Variants in TARS1 observed in about 807,000 individuals in gnomAD.
TARS1 encodes the protein threonyl-tRNA synthetase 1.
TARS1 carries 57 observed loss-of-function variants against 97.7 expected under a neutral mutation model. That is an observed-to-expected ratio of 0.58 (90% CI 0.47 to 0.73). TARS1 has a LOEUF of 0.73. Ranked by LOEUF, TARS1 falls within the 30% of genes least tolerant of loss-of-function variation. The pLI is 0.00. For synonymous variants in TARS1, 312 were observed against 293.7 expected, an observed-to-expected ratio of 1.06 and a Z score of -0.64; for missense variants, 806 against 888.3, an observed-to-expected ratio of 0.91 and a Z score of 1.18.
At chr5:33,445,622 T>G (rs1237653988) in intron 2 of TARS1, among the ~76,000 whole-genome samples, 2 of 152,156 alleles carry the variant, frequency 1.3e-5, no homozygotes, top group African/African-American at 4.8e-5. Context: ...TGGCGTATGA[T>G]TGTATAAGAT....
At chr5:33,442,315 T>C (rs1332080205) in intron 1 of TARS1, among the ~76,000 whole-genome samples, 2 of 148,926 alleles carry the variant, frequency 1.3e-5, no homozygotes, top group Non-Finnish European at 3.0e-5. Context: ...TTTACTGTTT[T>C]GTAACTTTTT....
At chr5:33,444,159 G>T (rs1302039214) in intron 1 of TARS1, among the ~76,000 whole-genome samples, 1 of 152,132 alleles carries the variant, frequency 6.6e-6, no homozygotes, top group East Asian at 1.9e-4. Flanking sequence ...TGTCACAAAA[G>T]ACCACATAAT....
Position 33,461,948 on chromosome 5 carries a change from TG to T in TARS1, c.1673del (p.Cys558LeufsTer19), listed in dbSNP as rs1561078182. ...IKDAIGRYHQ[C>X]ATIQLDFQLP... is the part of the protein sequence containing the mutation. ...AGATGCGATTGGGCGGTACCACCAG[TG>T]TGCAACCATCCAGCTGGATTTCCAG... On this transcript the variant is annotated frameshift_variant, in exon 15 of 19. Transcript: ENST00000265112. LOFTEE classifies it high-confidence loss of function. The T allele has an allele frequency of 1.9e-6, 3 of 1,614,016 alleles. No homozygotes were observed. Among genetic ancestry groups the T allele is most frequent in the Non-Finnish European group, 2.5e-6 (3 of 1,179,976 alleles).
At chr5:33,460,147 A>G (rs1742224508) in intron 11 of TARS1, among the ~76,000 whole-genome samples, 1 of 148,788 alleles carries the variant, frequency 6.7e-6, no homozygotes, top group South Asian at 2.1e-4. Context: ...TTAAAATTTT[A>G]TTTCTGTAGA....
At chr5:33,454,622 A>G (rs899834750) in intron 4 of TARS1, among the ~76,000 whole-genome samples, 17 of 152,230 alleles carry the variant, frequency 1.1e-4, no homozygotes, top group Admixed American at 9.2e-4. Flanking sequence ...ATTGCAATCA[A>G]TGAGTTAGTC....
At position 33,449,341 on chromosome 5, in the gene TARS1, A is replaced by G. The variant is rs994856043; in HGVS notation, c.329+610A>G. 2.8e-4 allele frequency among the ~76,000 whole-genome samples: 32 copies of G among 115,420 alleles called. 1 individual carries two copies. The highest frequency in any genetic ancestry group is 3.9e-3 in the Middle Eastern group (1 of 258). The allele number at this position is 115,420 out of a possible 152,430, so 75.7% of individuals were successfully genotyped here. ...TGTATATATATACGCGTATATATAC[A>G]CGTGTATATATATATATCTTAAACT... is the stretch of plus-strand genomic sequence containing the variant. On this transcript the variant is annotated intron_variant, in intron 3 of 18. Coordinates refer to ENST00000265112, the MANE Select transcript of TARS1 (RefSeq NM_152295.5).
chr5:33,461,653 T>C lies in TARS1; in HGVS notation c.1552-14T>C. The C allele has an allele frequency of 1.2e-6, 2 of 1,603,824 alleles. No individual in the cohort carries two copies. The highest frequency in any genetic ancestry group is 1.7e-6 in the Non-Finnish European group (2 of 1,177,226). The stretch of plus-strand genomic sequence containing the variant: ...GCGATGAAAAAAATAAAAATCATTT[T>C]GCTTTATCCTCAGCAACTTGAAAAC... On this transcript the variant is annotated splice_polypyrimidine_tract_variant and intron_variant, in intron 13 of 18. Coordinates refer to ENST00000265112, the MANE Select transcript of TARS1 (RefSeq NM_152295.5).
chr5:33,445,452 C>A, intron 2 of TARS1, 48 bp downstream of exon 2: 1 of 1,539,972 alleles, frequency 6.5e-7, no homozygotes, highest in Non-Finnish European at 9.0e-7. Flanking sequence ...GTTGGCAAAT[C>A]GCAGGGAACT....
At chr5:33,463,891 G>A in intron 17 of TARS1, 66 bp downstream of exon 17, 1 of 1,381,570 alleles carries the variant, frequency 7.2e-7, no homozygotes, top group Non-Finnish European at 1.0e-6. Context: ...AATCACATAA[G>A]CCCTGTATTC....
intron 3 of TARS1, 140 bp downstream of exon 3, chr5:33,448,871 G>A (rs1177362943): frequency 1.5e-5 from 10 of 662,152 alleles, no homozygotes; most frequent in Non-Finnish European, 2.2e-5. Context: ...GCCTACTTGA[G>A]ATTTTTTAAA....
chr5:33,447,615 G>A (rs114861363), intron 2 of TARS1, among the ~76,000 whole-genome samples: 1,782 of 150,012 alleles, frequency 0.012, 43 homozygotes, highest in African/African-American at 0.041. Context: ...TGATATATAT[G>A]GAGACATATG....
intron 3 of TARS1, among the ~76,000 whole-genome samples, chr5:33,452,880 C>G (rs1026449779): frequency 1.3e-5 from 2 of 151,302 alleles, no homozygotes; most frequent in Non-Finnish European, 2.9e-5. Context: ...CCCAGCTACT[C>G]TAGAGGCTGA....
upstream of TARS1, chr5:33,440,872 C>T (rs1741048504): frequency 1.7e-6 from 1 of 573,380 alleles, no homozygotes; most frequent in Non-Finnish European, 3.1e-6. Flanking sequence ...AAAAGATTTT[C>T]CACTGGCTTA....
intron 4 of TARS1, among the ~76,000 whole-genome samples, chr5:33,454,426 G>C (rs1741912096): frequency 6.6e-6 from 1 of 152,178 alleles, no homozygotes; most frequent in Admixed American, 6.5e-5. Context: ...ACTGCCATTT[G>C]ATTTCAGTGT....
chr5:33,450,425 A>G (rs6450991), intron 3 of TARS1, among the ~76,000 whole-genome samples: 109,227 of 152,104 alleles, frequency 0.72, 39,951 homozygotes, highest in East Asian at 0.87. Flanking sequence ...AGCCATGAGC[A>G]TCTACTGTAC....
At chr5:33,448,272 A>G (rs1370872321) in intron 2 of TARS1, among the ~76,000 whole-genome samples, 3 of 152,260 alleles carry the variant, frequency 2.0e-5, no homozygotes, top group Non-Finnish European at 4.4e-5. Flanking sequence ...TCCTAAGAAG[A>G]CATCTTAAAA....
At chr5:33,462,236 A>G (rs751363147) in intron 16 of TARS1, 33 bp downstream of exon 16, 1 of 1,569,448 alleles carries the variant, frequency 6.4e-7, no homozygotes, top group Non-Finnish European at 8.7e-7. Context: ...TTTTCTGATT[A>G]GTATAAATTG....
Position 33,463,804 on chromosome 5 carries a change from C to T in TARS1, c.1887C>T (p.Thr629=). The T allele has an allele frequency of 6.2e-7, 1 of 1,612,382 alleles. No homozygotes were observed. The highest frequency in any genetic ancestry group is 1.1e-5 in the South Asian group (1 of 90,622). The change falls in exon 17 of 19, where the codon ACC becomes ACT. Residue 629 remains threonine, a synonymous_variant. Transcript: ENST00000265112. Reference sequence around the variant, plus strand: ...TAATGGTAGTTCCAGTGGGACCAACCTGTGATGAATATGCCCAAAAGGTAA... The same window carrying T: ...TAATGGTAGTTCCAGTGGGACCAACTTGTGATGAATATGCCCAAAAGGTAA... The part of the protein sequence containing the change: ...RQVMVVPVGP[T]CDEYAQKVRQ...
At chr5:33,448,985 A>G (rs1741567917) in intron 3 of TARS1, among the ~76,000 whole-genome samples, 2 of 152,196 alleles carry the variant, frequency 1.3e-5, no homozygotes, top group South Asian at 2.1e-4. Context: ...TAGTCTTACT[A>G]TGATTATAAA....
Sources: allele counts gnomAD v4.1 joint callset (sites outside exome capture counted in the v4.1 genomes callset), GRCh38; gene constraint gnomAD v4.1.1; transcripts MANE v1.5; gene names NCBI Gene and HGNC (gene_info 2026-07-23, HGNC 2026-07-21).